Variants in PHKB observed in about 807,000 individuals in gnomAD.
PHKB encodes phosphorylase b kinase regulatory subunit beta.
In PHKB, 122 loss-of-function variants were observed where a neutral mutation model predicts 152.1. The observed-to-expected ratio is 0.80, with a 90% CI of 0.69 to 0.93. PHKB has a LOEUF of 0.93. PHKB is among the 40% of genes least tolerant of loss of function. PHKB has a pLI of 0.00. For synonymous variants in PHKB, 436 were observed against 464.9 expected, an observed-to-expected ratio of 0.94 and a Z score of 0.80; for missense variants, 1,304 against 1,328.4, an observed-to-expected ratio of 0.98 and a Z score of 0.29.
intron 7 of PHKB, among the ~76,000 whole-genome samples, chr16:47,569,884 A>G (rs1323112919): frequency 6.6e-6 from 1 of 152,142 alleles, no homozygotes; most frequent in Non-Finnish European, 1.5e-5. Flanking sequence ...CGGCCTCCCA[A>G]AGTGCTGGTA....
At chr16:47,582,235 T>C (rs1971859766) in intron 8 of PHKB, among the ~76,000 whole-genome samples, 1 of 152,146 alleles carries the variant, frequency 6.6e-6, no homozygotes, top group Non-Finnish European at 1.5e-5. Context: ...TTTTTTGCAA[T>C]AGTGTCATCT....
At chr16:47,511,191 A>G (rs1007236777) in intron 4 of PHKB, among the ~76,000 whole-genome samples, 44 of 152,342 alleles carry the variant, frequency 2.9e-4, no homozygotes, top group African/African-American at 8.7e-4. Flanking sequence ...AGTAGCATAC[A>G]TTAAAATTTG....
chr16:47,581,813 G>A (rs1971851910), intron 8 of PHKB, among the ~76,000 whole-genome samples: 1 of 152,104 alleles, frequency 6.6e-6, no homozygotes, highest in African/African-American at 2.4e-5. Flanking sequence ...CCGAGTAGCT[G>A]GGATTACAGG....
At chr16:47,540,859 T>G (rs1447438622) in intron 6 of PHKB, among the ~76,000 whole-genome samples, 1 of 124,278 alleles carries the variant, frequency 8.0e-6, no homozygotes, top group Non-Finnish European at 1.6e-5. Flanking sequence ...AGAGTTTCAC[T>G]CCTGTTGCCC....
At chr16:47,489,007 A>G (rs182883616) in intron 1 of PHKB, among the ~76,000 whole-genome samples, 1 of 152,188 alleles carries the variant, frequency 6.6e-6, no homozygotes, top group Non-Finnish European at 1.5e-5. Flanking sequence ...TGATAGGAGT[A>G]TCATTGAATT....
chr16:47,663,566 A>G, intron 23 of PHKB, 111 bp from the exon 24 acceptor site: 3 of 810,558 alleles, frequency 3.7e-6, no homozygotes, highest in South Asian at 2.9e-5. Flanking sequence ...TAATGGATCG[A>G]TGTATCAACT....
rs775194158 is a variant in PHKB at position 47,641,647 on chromosome 16, A to G, written c.1563A>G (p.Gln521=). The G allele has an allele frequency of 6.2e-7, 1 of 1,607,728 alleles. No individual in the cohort carries two copies. Among genetic ancestry groups the G allele is most frequent in the Non-Finnish European group, 8.5e-7 (1 of 1,174,274 alleles). The part of the protein sequence containing the change: ...NTYGIQTQTP[Q]QVEPIQIWPQ... ...ATGGTATTCAAACTCAAACTCCTCA[A>G]CAAGTAGAACCCATTCAGATATGGC... Residue 521 remains glutamine (Q), a synonymous_variant, in exon 16 of 31, where the codon CAA becomes CAG. Transcript: ENST00000323584.
At chr16:47,545,905 G>A (rs1215390547) in intron 6 of PHKB, among the ~76,000 whole-genome samples, 1 of 152,134 alleles carries the variant, frequency 6.6e-6, no homozygotes, top group Non-Finnish European at 1.5e-5. Context: ...TTGTGCATGT[G>A]TCACGTAGTT....
chr16:47,672,320 G>A (rs1973651052), intron 26 of PHKB, among the ~76,000 whole-genome samples: 1 of 152,076 alleles, frequency 6.6e-6, no homozygotes, highest in South Asian at 2.1e-4. Flanking sequence ...CAGTCTGTTT[G>A]CCCTGATATT....
chr16:47,579,307 T>C (rs1971803127), intron 7 of PHKB, among the ~76,000 whole-genome samples: 2 of 152,216 alleles, frequency 1.3e-5, no homozygotes, highest in African/African-American at 4.8e-5. Context: ...ATGACATGAA[T>C]AGCTTAGAAC....
intron 10 of PHKB, among the ~76,000 whole-genome samples, chr16:47,592,850 T>C (rs758680815): frequency 6.6e-5 from 10 of 152,144 alleles, no homozygotes; most frequent in Non-Finnish European, 8.8e-5. Context: ...AGGAAAAATT[T>C]TTTTAAAAAA....
intron 26 of PHKB, among the ~76,000 whole-genome samples, chr16:47,678,620 T>C (rs1973783110): frequency 6.6e-6 from 1 of 152,012 alleles, no homozygotes; most frequent in African/African-American, 2.4e-5. Flanking sequence ...TGGGGTTGTT[T>C]GTTTTTTTCT....
At chr16:47,694,080 A>C (rs1158601904) in intron 28 of PHKB, among the ~76,000 whole-genome samples, 1 of 152,186 alleles carries the variant, frequency 6.6e-6, no homozygotes, top group Non-Finnish European at 1.5e-5. Context: ...CCACTTAGGA[A>C]TTGTGTTGAA....
chr16:47,585,672 G>A (rs1280505780), intron 8 of PHKB, among the ~76,000 whole-genome samples: 5 of 152,116 alleles, frequency 3.3e-5, no homozygotes, highest in African/African-American at 1.2e-4. Context: ...GTTAAAATAT[G>A]GTAACATTAT....
At chr16:47,488,914 C>T (rs1436941801) in intron 1 of PHKB, among the ~76,000 whole-genome samples, 1 of 152,086 alleles carries the variant, frequency 6.6e-6, no homozygotes, top group East Asian at 1.9e-4. Context: ...CTTAGGATTG[C>T]TTTGGCTATT....
At chr16:47,666,001 C>T (rs923737715) in intron 25 of PHKB, 1 of 1,613,588 alleles carries the variant, frequency 6.2e-7, no homozygotes, top group African/African-American at 1.3e-5. Flanking sequence ...CTGGCCCCAT[C>T]CATTACTAAT....
Position 47,649,149 on chromosome 16 carries a change from A to C in PHKB, c.1742A>C (p.Asp581Ala). ...KTVVCYPIIFDLSDFYMSQDV... is the reference protein window; with the variant it reads ...KTVVCYPIIFALSDFYMSQDV... ...GTGGTTTGTTACCCGATTATTTTCG[A>C]CCTAAGTGATTTCTACATGTCTCAG... Residue 581 changes from aspartate to alanine, a missense_variant, in exon 18 of 31, where the codon GAC becomes GCC. By Grantham distance (126) the Asp-to-Ala change is moderately radical. Transcript: ENST00000323584. The C allele has an allele frequency of 6.2e-7, 1 of 1,611,358 alleles. No individual in the cohort carries two copies. The highest frequency in any genetic ancestry group is 2.2e-5 in the East Asian group (1 of 44,826).
At chr16:47,533,703 T>C (rs903727277) in intron 6 of PHKB, among the ~76,000 whole-genome samples, 1 of 152,146 alleles carries the variant, frequency 6.6e-6, no homozygotes, top group East Asian at 1.9e-4. Flanking sequence ...TAGCAGGTAC[T>C]TCCAAGCCTG....
In PHKB at chr16:47,499,904, T is replaced by G. The variant is rs763432163; in HGVS notation, c.305+10T>G. 6.4e-5 allele frequency: 104 copies of G among 1,613,986 alleles called. No individual in the cohort carries two copies. Among genetic ancestry groups the G allele is most frequent in the Non-Finnish European group, 8.6e-5 (101 of 1,179,990 alleles). On this transcript the variant is annotated intron_variant, in intron 3 of 30. Transcript: ENST00000323584. The stretch of plus-strand genomic sequence containing the variant: ...TGGCTCTTGCATACAGGTGAGCTGG[T>G]GTGTGTTCTCCTCGTAACTTTGAGA...
Sources: gnomAD v4.1 joint callset for allele counts (sites outside exome capture counted in the v4.1 genomes callset) on GRCh38, gnomAD v4.1.1 for gene constraint, MANE v1.5 for transcripts, NCBI Gene and HGNC (gene_info 2026-07-23, HGNC 2026-07-21) for gene names.